The following PIKFYVE variants were observed in gnomAD, a reference collection of about 807,000 sequenced individuals.
PIKFYVE encodes the protein 1-phosphatidylinositol 3-phosphate 5-kinase.
A neutral mutation model predicts 257.9 loss-of-function variants in PIKFYVE; 122 were observed. The observed-to-expected ratio is 0.47, with a 90% CI of 0.41 to 0.55. The LOEUF (loss-of-function observed/expected upper bound fraction) is 0.55. PIKFYVE is among the 20% of genes least tolerant of loss of function. PIKFYVE has a pLI of 0.00. For synonymous variants in PIKFYVE, 892 were observed against 868.9 expected, an observed-to-expected ratio of 1.03 and a Z score of -0.47; for missense variants, 2,160 against 2,536.6, an observed-to-expected ratio of 0.85 and a Z score of 3.19.
Position 208,320,235 on chromosome 2 carries a change from C to A in PIKFYVE, c.2083-17C>A. On this transcript the variant is annotated splice_polypyrimidine_tract_variant and intron_variant, in intron 16 of 41. Coordinates refer to ENST00000264380, the MANE Select transcript of PIKFYVE (RefSeq NM_015040.4). ...GCAAACCTTTAAACACTTTAACAAA[C>A]TGTTCATTTTTTGTAGATGAGTTCT... 6.2e-7 allele frequency: 1 copy of A among 1,608,592 alleles called. No individual in the cohort carries two copies. The highest frequency in any genetic ancestry group is 8.5e-7 in the Non-Finnish European group (1 of 1,176,758).
chr2:208,271,471 T>A, intron 1 of PIKFYVE, 40 bp from the exon 2 acceptor site: 1 of 1,598,510 alleles, frequency 6.3e-7, no homozygotes, highest in Non-Finnish European at 8.6e-7. Context: ...TTGAGCTTCC[T>A]GAGGAATTTA....
intron 29 of PIKFYVE, 82 bp from the exon 30 acceptor site, chr2:208,339,336 A>C: frequency 6.6e-7 from 1 of 1,508,220 alleles, no homozygotes; most frequent in Non-Finnish European, 9.2e-7. Flanking sequence ...AAGTAGGCAT[A>C]TGAATGAGCA....
At chr2:208,324,826 AT>A in intron 18 of PIKFYVE, 84 bp from the exon 19 acceptor site, 1 of 1,486,704 alleles carries the variant, frequency 6.7e-7, no homozygotes, top group Non-Finnish European at 9.3e-7. Context: ...TTATTTTTTA[AT>A]TTTTCCATTA....
At chr2:208,293,273 A>G (rs1034977715) in intron 7 of PIKFYVE, among the ~76,000 whole-genome samples, 2 of 152,156 alleles carry the variant, frequency 1.3e-5, no homozygotes, top group Non-Finnish European at 2.9e-5. Flanking sequence ...GCGTACATAC[A>G]TAATTGAATA....
chr2:208,304,307 A>G lies in PIKFYVE; in HGVS notation c.1457A>G (p.Asp486Gly). 3.1e-6 allele frequency: 5 copies of G among 1,614,126 alleles called. No homozygotes were observed. Among genetic ancestry groups the G allele is most frequent in the South Asian group, 1.1e-5 (1 of 91,092 alleles). The stretch of plus-strand genomic sequence containing the variant: ...GAACAGATAGCTGAAGAAGGTGACG[A>G]TAATTTGGCTAGTGAGTTTAACTTT... ...DTEQIAEEGD[D>G]NLANSASPSK... is the part of the protein sequence containing the mutation. Residue 486 changes from aspartate (D) to glycine (G), a missense_variant, in exon 11 of 42, where the codon GAT becomes GGT. By Grantham distance (94) the Asp-to-Gly change is moderately conservative. Around this residue, in one of 12 missense-constraint regions of PIKFYVE, gnomAD observed 15 missense variants for 39.1 expected, o/e 0.38. Coordinates refer to ENST00000264380, the MANE Select transcript of PIKFYVE (RefSeq NM_015040.4).
At chr2:208,281,284 C>T (rs756628443) in intron 5 of PIKFYVE, among the ~76,000 whole-genome samples, 13 of 152,188 alleles carry the variant, frequency 8.5e-5, no homozygotes, top group Non-Finnish European at 1.9e-4. Flanking sequence ...TATGTTTCAG[C>T]CAGTCATCTA....
In PIKFYVE at chr2:208,350,963, C is replaced by CGTTT. The variant is rs766377009; in HGVS notation, c.5611+17_5611+20dup. ...GCAACTGAGGGTGAGCCTTTCTCAT[C>CGTTT]GTTTATTGATTGGTTCAGTAGTCTT... On this transcript the variant is annotated intron_variant, in intron 37 of 41. Coordinates refer to ENST00000264380, the MANE Select transcript of PIKFYVE (RefSeq NM_015040.4). 14 of 1,613,830 alleles carry CGTTT rather than the reference C, an allele frequency of 8.7e-6. No individual in the cohort carries two copies. In the Admixed American group the frequency reaches 2.3e-4, roughly 27 times the overall value.
At chr2:208,336,568 A>G (rs1193104378) in intron 27 of PIKFYVE, among the ~76,000 whole-genome samples, 1 of 151,996 alleles carries the variant, frequency 6.6e-6, no homozygotes, top group African/African-American at 2.4e-5. Context: ...TGTTTATCTT[A>G]TGCCTTTATT....
intron 37 of PIKFYVE, 101 bp downstream of exon 37, chr2:208,351,048 C>G (rs1699726876): frequency 1.4e-6 from 2 of 1,431,738 alleles, no homozygotes; most frequent in Admixed American, 1.9e-5. Context: ...ACTTTCATAA[C>G]TATGACTTAC....
At chr2:208,281,635 G>T (rs1046615544) in intron 5 of PIKFYVE, among the ~76,000 whole-genome samples, 1 of 152,126 alleles carries the variant, frequency 6.6e-6, no homozygotes, top group African/African-American at 2.4e-5. Context: ...GTCTTGCAAG[G>T]CAGCTAACTC....
intron 28 of PIKFYVE, among the ~76,000 whole-genome samples, chr2:208,337,789 G>A (rs190085488): frequency 7.0e-4 from 106 of 152,054 alleles, no homozygotes; most frequent in African/African-American, 2.5e-3. Context: ...TGGTGCGATC[G>A]CGGCTCACTG....
intron 13 of PIKFYVE, among the ~76,000 whole-genome samples, chr2:208,313,469 G>A (rs967903353): frequency 2.0e-5 from 3 of 151,854 alleles, no homozygotes; most frequent in African/African-American, 7.3e-5. Context: ...ACTGTCATCT[G>A]TTGTTTTGTG....
At chr2:208,274,146 C>A in intron 3 of PIKFYVE, 1 of 1,361,642 alleles carries the variant, frequency 7.3e-7, no homozygotes, top group Non-Finnish European at 1.0e-6. Context: ...ACTCTGTCAA[C>A]TCCATTATTG....
intron 7 of PIKFYVE, among the ~76,000 whole-genome samples, chr2:208,292,750 G>A (rs1692476194): frequency 6.6e-6 from 1 of 151,732 alleles, no homozygotes; most frequent in South Asian, 2.1e-4. Context: ...ATATTTATGG[G>A]GTAAATAGTG....
chr2:208,330,337 G>A (rs1022663387), intron 22 of PIKFYVE, among the ~76,000 whole-genome samples, 186 bp from the exon 23 acceptor site: 1 of 152,152 alleles, frequency 6.6e-6, no homozygotes, highest in Non-Finnish European at 1.5e-5. Flanking sequence ...AAAATTGTTT[G>A]GCAAATAGAA....
At chr2:208,302,160 T>A (rs915307929) in intron 9 of PIKFYVE, 82 bp from the exon 10 acceptor site, 1 of 1,216,928 alleles carries the variant, frequency 8.2e-7, no homozygotes, top group African/African-American at 1.5e-5. Context: ...TGAAAAAAAA[T>A]ATTTTAAGGT....
At chr2:208,324,362 G>A (rs1425425689) in intron 18 of PIKFYVE, 80 bp downstream of exon 18, 3 of 1,463,820 alleles carry the variant, frequency 2.0e-6, no homozygotes, top group African/African-American at 1.4e-5. Context: ...AGGTATACAA[G>A]AATCTTTTTT....
rs1489962245 is a variant in PIKFYVE at position 208,355,299 on chromosome 2, T to A, written c.6291T>A (p.Asn2097Lys). The change falls in exon 42 of 42, where the codon AAT (asparagine) becomes AAA (lysine). Residue 2097 changes from asparagine (N) to lysine (K), a missense_variant. Coordinates refer to ENST00000264380, the MANE Select transcript of PIKFYVE (RefSeq NM_015040.4). The stretch of plus-strand genomic sequence containing the variant: ...ACCACTGGACAGGCTTGGGTCTGAA[T>A]TGCTGAAATCAAGCACATATTTTGA... ...VPDHWTGLGL[N>K]C is the part of the protein sequence containing the mutation. 6.2e-7 allele frequency: 1 copy of A among 1,611,954 alleles called. No individual in the cohort carries two copies. Among genetic ancestry groups the A allele is most frequent in the Non-Finnish European group, 8.5e-7 (1 of 1,178,060 alleles).
chr2:208,349,139 G>T (rs1357609047), intron 35 of PIKFYVE, among the ~76,000 whole-genome samples: 3 of 152,066 alleles, frequency 2.0e-5, no homozygotes. Flanking sequence ...CTCCTGCCTG[G>T]GTGACAGCAA....
Sources: allele counts gnomAD v4.1 joint callset (sites outside exome capture counted in the v4.1 genomes callset), GRCh38; gene constraint gnomAD v4.1.1; regional missense constraint gnomAD v4.1.1; transcripts MANE v1.5; gene names NCBI Gene and HGNC (gene_info 2026-07-23, HGNC 2026-07-21).